The following AEBP2 variants were observed in gnomAD, a reference collection of about 807,000 sequenced individuals.
AEBP2 encodes the protein AE binding protein 2, also known as zinc finger protein AEBP2.
Under a neutral mutation model 50.8 loss-of-function variants are expected in AEBP2, and 10 were observed. The observed-to-expected ratio is 0.20, with a 90% confidence interval of 0.12 to 0.33. AEBP2 has a LOEUF of 0.33. Among genes scored for constraint, AEBP2 ranks in the 10% least tolerant of loss-of-function variants. The probability of loss-of-function intolerance (pLI) is 1.00; values close to 1 mark genes in which losing one functional copy is unlikely to be tolerated. For synonymous variants in AEBP2, 296 were observed against 261.3 expected (o/e 1.13, Z -1.28); for missense variants, 570 against 688.0 (o/e 0.83, Z 1.92).
At chr12:19,434,356 A>G (rs1347169934) in intron 1 of AEBP2, among the ~76,000 whole-genome samples, 3 of 151,764 alleles carry the variant, frequency 2.0e-5, no homozygotes, top group Non-Finnish European at 4.4e-5. Context: ...TATTTGTAGT[A>G]GAAATGGGGT....
intron 1 of AEBP2, among the ~76,000 whole-genome samples, chr12:19,427,629 C>A (rs942222348): frequency 2.6e-5 from 4 of 151,584 alleles, no homozygotes; most frequent in African/African-American, 9.7e-5. Flanking sequence ...TTTCCTATTG[C>A]CCTTGTTTCT....
chr12:19,466,918 TG>T, intron 2 of AEBP2: 1 of 650,356 alleles, frequency 1.5e-6, no homozygotes, highest in South Asian at 6.9e-5. Flanking sequence ...ATCTTTGCCC[TG>T]GGGAGAAAAG....
chr12:19,492,956 A>G (rs550351805), intron 3 of AEBP2, among the ~76,000 whole-genome samples: 1 of 152,280 alleles, frequency 6.6e-6, no homozygotes, highest in East Asian at 1.9e-4. Context: ...AGCCTGGGTG[A>G]TAGACTGAGA....
intron 3 of AEBP2, among the ~76,000 whole-genome samples, chr12:19,482,044 T>C (rs565265897): frequency 2.4e-4 from 36 of 152,208 alleles, no homozygotes; most frequent in Non-Finnish European, 5.1e-4. Flanking sequence ...TTACCAGAAT[T>C]ACTTTTCTGG....
intron 7 of AEBP2, among the ~76,000 whole-genome samples, chr12:19,515,075 A>G (rs1305040133): frequency 1.3e-5 from 2 of 152,206 alleles, no homozygotes; most frequent in African/African-American, 4.8e-5. Flanking sequence ...CCCTTTAACA[A>G]GGTAATTCTT....
intron 5 of AEBP2, among the ~76,000 whole-genome samples, chr12:19,505,593 A>G (rs1274102983): frequency 6.6e-6 from 1 of 152,264 alleles, no homozygotes. Flanking sequence ...AGGTGGGACA[A>G]CAGTGAGTAG....
chr12:19,517,236 A>C (rs1042386941), intron 7 of AEBP2, among the ~76,000 whole-genome samples: 29 of 152,086 alleles, frequency 1.9e-4, no homozygotes, highest in African/African-American at 6.0e-4. Context: ...AATTATTCTT[A>C]CTTGTTTTTA....
rs955817898 is a variant in AEBP2 at position 19,513,331 on chromosome 12, T to G, written c.1367+866T>G. On this transcript the variant is annotated intron_variant, in intron 6 of 7. Coordinates refer to ENST00000266508, the MANE Select transcript of AEBP2 (RefSeq NM_153207.5). ...TTCATATATTTCATGTATTTTTTTA[T>G]CTTTCTTATTAAAATTTTCTTTTTA... Among the ~76,000 whole-genome samples, 32 of 149,170 alleles carry G rather than the reference T, an allele frequency of 2.1e-4. No individual in the cohort carries two copies. In the Admixed American group the frequency reaches 2.2e-3, roughly 10 times the overall value.
chr12:19,489,628 A>G (rs890053682), intron 3 of AEBP2, among the ~76,000 whole-genome samples: 2 of 152,210 alleles, frequency 1.3e-5, no homozygotes, highest in African/African-American at 4.8e-5. Context: ...AATATAAAAC[A>G]TATTTGAAAA....
At position 19,439,681 on chromosome 12, in the gene AEBP2, AGG is replaced by A; in HGVS notation, c.-18_-17del. 6.6e-7 allele frequency: 1 copy of A among 1,512,446 alleles called. No homozygotes were observed. The allele number at this position is 1,512,446 out of a possible 1,614,324, so 93.7% of individuals were successfully genotyped here. On this transcript the variant is annotated 5_prime_UTR_variant, in exon 1 of 8. Transcript: ENST00000266508. Reference sequence around the variant, plus strand: ...GGCGGCGGTGGGGAGGAGGAGGAGGAGGAGGAGCAGGCGCCGCCATGGCCGCC... The same window carrying A: ...GGCGGCGGTGGGGAGGAGGAGGAGGAAGGAGCAGGCGCCGCCATGGCCGCC...
At position 19,518,307 on chromosome 12, in the gene AEBP2, G is replaced by T; in HGVS notation, c.*190G>T. On this transcript the variant is annotated 3_prime_UTR_variant, in exon 8 of 8. Transcript: ENST00000266508. Reference sequence around the variant, plus strand: ...CTGTGAATGAAGTAGACTCTTCGGTGGAATATATTAATATATTACTGTATA... The same window carrying T: ...CTGTGAATGAAGTAGACTCTTCGGTTGAATATATTAATATATTACTGTATA... The T allele has an allele frequency of 7.8e-7, 1 of 1,283,000 alleles. No homozygotes were observed. The highest frequency in any genetic ancestry group is 9.8e-7 in the Non-Finnish European group (1 of 1,017,284). The allele number at this position is 1,283,000 out of a possible 1,614,324, so 79.5% of individuals were successfully genotyped here. A position where few individuals can be genotyped will look rare whatever the true frequency, so the allele number is the denominator to read the frequency against.
At chr12:19,437,356 CTT>C (rs1437174894), upstream of AEBP2, among the ~76,000 whole-genome samples, 1 of 152,162 alleles carries the variant, frequency 6.6e-6, no homozygotes, top group Non-Finnish European at 1.5e-5. Flanking sequence ...ACACTTTTCT[CTT>C]GTTAACCTGT....
At chr12:19,423,621 G>C (rs2095747000) in intron 1 of AEBP2, among the ~76,000 whole-genome samples, 1 of 152,204 alleles carries the variant, frequency 6.6e-6, no homozygotes, top group Non-Finnish European at 1.5e-5. Flanking sequence ...GGATGCTATT[G>C]ATCTTTACTA....
rs183609336 is a variant in AEBP2 at position 19,426,792 on chromosome 12, T to A, written c.-17+22576T>A. Reference sequence around the variant, plus strand: ...GGTGTGCACCTGTAATCCCAGCTACTCAGGAGGCTGAGGCAGGAGAATCGC... The same window carrying A: ...GGTGTGCACCTGTAATCCCAGCTACACAGGAGGCTGAGGCAGGAGAATCGC... On this transcript the variant is annotated intron_variant, in intron 1 of 3. Transcript: ENST00000538425. Among the ~76,000 whole-genome samples the A allele has an allele frequency of 2.6e-5, 4 of 152,106 alleles. No individual in the cohort carries two copies. In the East Asian group the frequency reaches 7.8e-4, roughly 30 times the overall value.
intron 1 of AEBP2, among the ~76,000 whole-genome samples, chr12:19,408,777 C>G (rs1410119177): frequency 1.3e-5 from 2 of 151,508 alleles, no homozygotes; most frequent in Non-Finnish European, 2.9e-5. Context: ...GTGGCGCACA[C>G]CTGTAATTCC....
At chr12:19,421,939 C>T (rs897960844) in intron 1 of AEBP2, among the ~76,000 whole-genome samples, 1 of 152,064 alleles carries the variant, frequency 6.6e-6, no homozygotes, top group African/African-American at 2.4e-5. Flanking sequence ...CACAGGAGTT[C>T]GAGACTAGCT....
chr12:19,516,268 T>A (rs1338239453), intron 7 of AEBP2, among the ~76,000 whole-genome samples: 2 of 152,170 alleles, frequency 1.3e-5, no homozygotes, highest in Non-Finnish European at 2.9e-5. Flanking sequence ...GTTGATTTAT[T>A]TGTACCTAAT....
At chr12:19,435,132 C>CT (rs140447214), upstream of AEBP2, among the ~76,000 whole-genome samples, 5,631 of 142,866 alleles carry the variant, frequency 0.039, 236 homozygotes, top group Admixed American at 0.15. Flanking sequence ...CCTGTCAGAA[C>CT]TTTTTTTTTT....
chr12:19,513,529 A>T (rs1302273776), intron 6 of AEBP2, among the ~76,000 whole-genome samples: 1 of 152,306 alleles, frequency 6.6e-6, no homozygotes, highest in Middle Eastern at 3.4e-3. Context: ...AGGCTGAGGC[A>T]GAAAGATTGC....
Sources: allele counts gnomAD v4.1 joint callset (sites outside exome capture counted in the v4.1 genomes callset), GRCh38; gene constraint gnomAD v4.1.1; transcripts MANE v1.5; gene names NCBI Gene and HGNC (gene_info 2026-07-23, HGNC 2026-07-21).